The following XKR4 variants were observed in gnomAD, a reference collection of about 807,000 sequenced individuals.
XKR4 encodes XK-related protein 4.
Under a neutral mutation model 53.9 loss-of-function variants are expected in XKR4, and 12 were observed. The ratio of observed to expected loss-of-function variants is 0.22; its 90% CI spans 0.14 to 0.36. The LOEUF (loss-of-function observed/expected upper bound fraction) is 0.36. Among genes scored for constraint, XKR4 ranks in the 10% least tolerant of loss-of-function variants. XKR4 has a pLI of 1.00. For missense variants in XKR4, 799 were observed against 859.5 expected (o/e 0.93, Z 0.88); for synonymous variants, 354 against 362.4 (o/e 0.98, Z 0.26).
intron 1 of XKR4, among the ~76,000 whole-genome samples, chr8:55,106,288 G>T (rs1019138310): frequency 6.6e-6 from 1 of 152,110 alleles, no homozygotes; most frequent in Non-Finnish European, 1.5e-5. Flanking sequence ...GGTAAGATTT[G>T]CATGTATTTA....
At chr8:55,185,964 A>T (rs984509725) in intron 1 of XKR4, among the ~76,000 whole-genome samples, 5 of 152,228 alleles carry the variant, frequency 3.3e-5, no homozygotes, top group Non-Finnish European at 5.9e-5. Context: ...AAAATTGATC[A>T]TAAAAAATCA....
At chr8:55,146,708 G>C (rs1055692122) in intron 1 of XKR4, among the ~76,000 whole-genome samples, 7 of 152,170 alleles carry the variant, frequency 4.6e-5, no homozygotes, top group African/African-American at 7.2e-5. Flanking sequence ...CTGCTGTCTG[G>C]GTCAAAGACC....
At chr8:55,131,283 G>T (rs560717040) in intron 1 of XKR4, among the ~76,000 whole-genome samples, 2 of 152,106 alleles carry the variant, frequency 1.3e-5, no homozygotes, top group African/African-American at 4.8e-5. Flanking sequence ...CTTTAAACTT[G>T]AGAAGCCTGA....
At chr8:55,271,046 C>A (rs563994156) in intron 1 of XKR4, among the ~76,000 whole-genome samples, 31 of 152,286 alleles carry the variant, frequency 2.0e-4, no homozygotes, top group Admixed American at 1.2e-3. Context: ...GAAGAACATG[C>A]ATGTTGGTGG....
rs187370520 is a variant in XKR4, at chr8:55,527,942, C to A, written c.*3715C>A. 5.1e-4 allele frequency: 78 copies of A among 151,896 alleles called. 3 individuals are homozygous for A. In the East Asian group the frequency reaches 0.011, roughly 21 times the overall value. The allele number at this position is 151,896 out of a possible 1,614,324, so 9.4% of individuals were successfully genotyped here. A position where few individuals can be genotyped will look rare whatever the true frequency, so the allele number is the denominator to read the frequency against. ...GGCTGTTTTTTAAAAATGATATGTG[C>A]CTTTTAAGTGTGTTTGTGTACATAC... On this transcript the variant is annotated 3_prime_UTR_variant, in exon 3 of 3. Transcript: ENST00000327381.
chr8:55,355,015 C>T lies in XKR4; in HGVS notation c.807-2663C>T, dbSNP rs181428851. ...GCCTCCTGGGTTCAAGTGATTCTCC[C>T]GTCTCAGCCTCCCAAGTAGCTGGGA... is the stretch of plus-strand genomic sequence containing the variant. On this transcript the variant is annotated intron_variant, in intron 1 of 2. Coordinates refer to ENST00000327381, the MANE Select transcript of XKR4 (RefSeq NM_052898.2). Among the ~76,000 whole-genome samples the T allele has an allele frequency of 8.9e-3, 1,348 of 151,336 alleles. 25 individuals carry two copies. The highest frequency in any genetic ancestry group is 0.03 in the African/African-American group (1,239 of 41,254).
At chr8:55,399,988 G>A (rs1490303527) in intron 2 of XKR4, among the ~76,000 whole-genome samples, 1 of 152,164 alleles carries the variant, frequency 6.6e-6, no homozygotes, top group East Asian at 1.9e-4. Flanking sequence ...CCCCCAACAT[G>A]CTAAGTGTAT....
intron 2 of XKR4, among the ~76,000 whole-genome samples, chr8:55,473,802 C>T (rs1805929890): frequency 6.6e-6 from 1 of 151,460 alleles, no homozygotes; most frequent in Non-Finnish European, 1.5e-5. Context: ...TTCCTTCCTT[C>T]CTTCCTTCTT....
chr8:55,524,376 T>C lies in XKR4; in HGVS notation c.*149T>C. 1 of 790,380 alleles carries C rather than the reference T, an allele frequency of 1.3e-6. No homozygotes were observed. Among genetic ancestry groups the C allele is most frequent in the Non-Finnish European group, 2.0e-6 (1 of 511,516 alleles). 49.0% of individuals were successfully genotyped at this position (790,380 alleles called of 1,614,324 possible). On this transcript the variant is annotated 3_prime_UTR_variant, in exon 3 of 3. Transcript: ENST00000327381. ...ACCATTATCATTTGATCCTGTCGGC[T>C]GGGGGCGGCTGGTCTCCTTCCAAAG...
chr8:55,520,624 C>T (rs1309440323), intron 2 of XKR4, among the ~76,000 whole-genome samples: 1 of 152,218 alleles, frequency 6.6e-6, no homozygotes, highest in Non-Finnish European at 1.5e-5. Flanking sequence ...GAGAAATTCT[C>T]ATTGCTAAAG....
chr8:55,404,479 G>C (rs1488684018), intron 2 of XKR4, among the ~76,000 whole-genome samples: 1 of 152,144 alleles, frequency 6.6e-6, no homozygotes, highest in African/African-American at 2.4e-5. Context: ...TGTGTTTTAG[G>C]GGGCAATGGT....
chr8:55,420,708 C>T (rs904164879), intron 2 of XKR4, among the ~76,000 whole-genome samples: 8 of 151,444 alleles, frequency 5.3e-5, no homozygotes, highest in Admixed American at 1.3e-4. Context: ...GTGGGTGCAG[C>T]GCACCAGCAT....
chr8:55,319,615 C>T (rs1803177495), intron 1 of XKR4, among the ~76,000 whole-genome samples: 1 of 152,160 alleles, frequency 6.6e-6, no homozygotes, highest in Non-Finnish European at 1.5e-5. Flanking sequence ...TCTGGAAGAG[C>T]TTACAGTCAG....
intron 2 of XKR4, among the ~76,000 whole-genome samples, chr8:55,436,538 G>A (rs571653289): frequency 8.9e-4 from 136 of 152,212 alleles, no homozygotes; most frequent in African/African-American, 3.0e-3. Flanking sequence ...CCATTACTTC[G>A]GAAAAACATT....
At chr8:55,212,188 G>A (rs1281355980) in intron 1 of XKR4, among the ~76,000 whole-genome samples, 1 of 151,882 alleles carries the variant, frequency 6.6e-6, no homozygotes, top group Non-Finnish European at 1.5e-5. Flanking sequence ...CCTCCAGGTG[G>A]CAGGCTTCAG....
intron 2 of XKR4, among the ~76,000 whole-genome samples, chr8:55,481,112 C>A (rs1317363294): frequency 6.6e-6 from 1 of 152,302 alleles, no homozygotes; most frequent in Middle Eastern, 3.4e-3. Flanking sequence ...GCCAAAAGAA[C>A]AAAGCCAGAG....
intron 1 of XKR4, chr8:55,164,229 T>C (rs570904801): frequency 2.2e-6 from 1 of 456,544 alleles, no homozygotes; most frequent in Admixed American, 2.3e-5. Context: ...CTGAATTCTG[T>C]CGGCATTGAG....
intron 1 of XKR4, among the ~76,000 whole-genome samples, chr8:55,204,179 T>G (rs1817613066): frequency 6.6e-6 from 1 of 151,962 alleles, no homozygotes. Context: ...CCTGCTAATT[T>G]ATTGTTTTGT....
At chr8:55,168,414 A>G (rs536968841) in intron 1 of XKR4, among the ~76,000 whole-genome samples, 5 of 152,314 alleles carry the variant, frequency 3.3e-5, no homozygotes, top group African/African-American at 1.2e-4. Flanking sequence ...TCTAAAGTAC[A>G]TGAGAGGCTG....
Sources: gnomAD v4.1 joint callset for allele counts (sites outside exome capture counted in the v4.1 genomes callset) on GRCh38, gnomAD v4.1.1 for gene constraint, MANE v1.5 for transcripts, NCBI Gene and HGNC (gene_info 2026-07-23, HGNC 2026-07-21) for gene names.